The following AKAP19 variants were observed in gnomAD, a reference collection of about 807,000 sequenced individuals.
The protein encoded by AKAP19 is small A-kinase anchoring protein.
chr2:190,151,995 A>T, the AKAP19 span, among the ~76,000 whole-genome samples: 1 of 131,056 alleles, frequency 7.6e-6, no homozygotes, highest in Non-Finnish European at 1.6e-5. Flanking sequence ...TGTCTCAATT[A>T]AAAAAACAAA....
chr2:189,917,613 T>C, the AKAP19 span: 6 of 370,500 alleles, frequency 1.6e-5, no homozygotes, highest in Admixed American at 2.3e-4. Flanking sequence ...TAAGAAAAGA[T>C]TCTTGTGAGA....
the AKAP19 span, among the ~76,000 whole-genome samples, chr2:190,128,500 A>G: frequency 6.6e-6 from 1 of 152,224 alleles, no homozygotes; most frequent in African/African-American, 2.4e-5. Context: ...GAGGGAGTGC[A>G]ATGGTACCGG....
the AKAP19 span, among the ~76,000 whole-genome samples, chr2:190,147,739 G>GTTTTTTT: frequency 6.7e-6 from 1 of 148,864 alleles, no homozygotes; most frequent in African/African-American, 2.5e-5. Flanking sequence ...TATTTCTAAG[G>GTTTTTTT]TTTTTTTTTT....
the AKAP19 span, among the ~76,000 whole-genome samples, chr2:189,967,304 A>G: frequency 6.6e-6 from 1 of 152,196 alleles, no homozygotes; most frequent in South Asian, 2.1e-4. Context: ...CTAGGTTGTC[A>G]TTTTGAACTA....
At chr2:190,187,969 T>C in the AKAP19 span, among the ~76,000 whole-genome samples, 1 of 152,196 alleles carries the variant, frequency 6.6e-6, no homozygotes, top group Non-Finnish European at 1.5e-5. Flanking sequence ...TCATTCTATA[T>C]TTTTAGAGCT....
chr2:190,120,371 C>G, the AKAP19 span, among the ~76,000 whole-genome samples: 7 of 151,732 alleles, frequency 4.6e-5, no homozygotes, highest in Non-Finnish European at 8.8e-5. Context: ...CTGGGGGGGG[C>G]CTGTCTCAGA....
chr2:190,057,913 C>T, the AKAP19 span, among the ~76,000 whole-genome samples: 1 of 151,790 alleles, frequency 6.6e-6, no homozygotes, highest in African/African-American at 2.4e-5. Flanking sequence ...GATTGCCTGG[C>T]ACATAATGGA....
At chr2:190,023,806 T>C in the AKAP19 span, among the ~76,000 whole-genome samples, 1 of 148,624 alleles carries the variant, frequency 6.7e-6, no homozygotes, top group African/African-American at 2.5e-5. Context: ...TATATATATA[T>C]ATATATATAT....
At chr2:189,973,244 G>C in the AKAP19 span, among the ~76,000 whole-genome samples, 19 of 152,230 alleles carry the variant, frequency 1.2e-4, no homozygotes, top group South Asian at 3.9e-3. Flanking sequence ...AGATAATCAT[G>C]TGTTTTTTTG....
At chr2:190,066,322 T>A in the AKAP19 span, among the ~76,000 whole-genome samples, 1 of 152,148 alleles carries the variant, frequency 6.6e-6, no homozygotes, top group Non-Finnish European at 1.5e-5. Context: ...AAAAAAAAAT[T>A]ACGGTTTTAT....
chr2:190,200,355 T>TCATCTGAAGGGCTGAACAGAGGTCC, the AKAP19 span: 1 of 545,248 alleles, frequency 1.8e-6, no homozygotes, highest in Non-Finnish European at 3.4e-6. Context: ...TAGATTTTAG[T>TCATCTGAAGGGCTGAACAGAGGTCC]CATCTGAAGG....
At chr2:190,183,012 G>A in the AKAP19 span, among the ~76,000 whole-genome samples, 2 of 152,150 alleles carry the variant, frequency 1.3e-5, no homozygotes, top group African/African-American at 4.8e-5. Flanking sequence ...CACATTTGCT[G>A]AGTTTATTCA....
the AKAP19 span, among the ~76,000 whole-genome samples, chr2:189,925,355 T>G: frequency 3.3e-5 from 5 of 152,162 alleles, no homozygotes; most frequent in African/African-American, 1.2e-4. Context: ...TCTACTCAAG[T>G]AATAGAATAT....
At chr2:190,098,565 T>A in the AKAP19 span, among the ~76,000 whole-genome samples, 1 of 152,260 alleles carries the variant, frequency 6.6e-6, no homozygotes, top group South Asian at 2.1e-4. Context: ...TCTAGCATAA[T>A]TCTTAAGGGC....
chr2:190,051,751 C>T, the AKAP19 span, among the ~76,000 whole-genome samples: 8 of 152,080 alleles, frequency 5.3e-5, no homozygotes, highest in Non-Finnish European at 8.8e-5. Context: ...ATTTTACTGG[C>T]GTATCTACAG....
the AKAP19 span, among the ~76,000 whole-genome samples, chr2:190,159,572 C>G: frequency 1.7e-4 from 26 of 152,188 alleles, no homozygotes; most frequent in Middle Eastern, 3.4e-3. Flanking sequence ...TCTTTGAGCT[C>G]CCTTTGTTTT....
the AKAP19 span, among the ~76,000 whole-genome samples, chr2:190,021,678 A>C: frequency 1.3e-5 from 2 of 152,188 alleles, no homozygotes; most frequent in Admixed American, 6.5e-5. Flanking sequence ...ATTTCTGTCC[A>C]ATACCAGACT....
the AKAP19 span, among the ~76,000 whole-genome samples, chr2:190,119,602 A>G: frequency 6.6e-6 from 1 of 152,176 alleles, no homozygotes. Context: ...GCATTTGCAT[A>G]TTAAAGGTTG....
chr2:189,969,481 A>C, the AKAP19 span, among the ~76,000 whole-genome samples: 1 of 152,064 alleles, frequency 6.6e-6, no homozygotes, highest in Non-Finnish European at 1.5e-5. Flanking sequence ...AAAATGATAA[A>C]ATTTCTTGGG....
Sources: allele counts gnomAD v4.1 joint callset (sites outside exome capture counted in the v4.1 genomes callset), GRCh38; gene constraint gnomAD v4.1.1; transcripts MANE v1.5; gene names NCBI Gene and HGNC (gene_info 2026-07-23, HGNC 2026-07-21).